Variants in FUT8 observed in about 807,000 individuals in gnomAD.
The protein encoded by FUT8 is alpha-(1,6)-fucosyltransferase.
A neutral mutation model predicts 71.3 loss-of-function variants in FUT8; 29 were observed. The ratio of observed to expected loss-of-function variants is 0.41; its 90% confidence interval spans 0.30 to 0.55. FUT8 has a LOEUF of 0.55. Ranked by LOEUF, FUT8 falls within the 20% of genes least tolerant of loss-of-function variation. The probability of loss-of-function intolerance (pLI) is 0.34; values close to 1 mark genes in which losing one functional copy is unlikely to be tolerated. For synonymous variants in FUT8, 254 were observed against 239.3 expected, an observed-to-expected ratio of 1.06 and a Z score of -0.57; for missense variants, 544 against 702.1, an observed-to-expected ratio of 0.77 and a Z score of 2.55.
chr14:65,667,540 A>G (rs564328263), intron 6 of FUT8, among the ~76,000 whole-genome samples: 20 of 152,324 alleles, frequency 1.3e-4, no homozygotes, highest in African/African-American at 4.8e-4. Context: ...AAACAAATGG[A>G]AAAACACTCC....
chr14:65,554,065 A>T (rs141830218), intron 2 of FUT8, among the ~76,000 whole-genome samples: 17 of 152,170 alleles, frequency 1.1e-4, no homozygotes, highest in African/African-American at 3.9e-4. Flanking sequence ...ATTATACTAC[A>T]GCTTTAAAAT....
intron 5 of FUT8, among the ~76,000 whole-genome samples, chr14:65,618,010 CATATATATATATATATATATATAT>C (rs149450437): frequency 6.9e-4 from 60 of 87,004 alleles, no homozygotes; most frequent in Admixed American, 3.4e-3. Context: ...AAAATTAATT[CATATATATATATATATATATATAT>C]ATATATATAT....
intron 2 of FUT8, among the ~76,000 whole-genome samples, chr14:65,491,962 A>G (rs997968018): frequency 7.9e-5 from 12 of 152,098 alleles, no homozygotes; most frequent in Non-Finnish European, 1.0e-4. Context: ...TAGTGCTGTA[A>G]AGTTCTGATT....
At chr14:65,433,542 G>A (rs573270162) in intron 1 of FUT8, among the ~76,000 whole-genome samples, 3 of 152,292 alleles carry the variant, frequency 2.0e-5, no homozygotes, top group African/African-American at 7.2e-5. Context: ...GCATGCAATG[G>A]CAGAATGACA....
intron 3 of FUT8, among the ~76,000 whole-genome samples, chr14:65,597,994 C>G (rs1888084372): frequency 6.6e-6 from 1 of 152,040 alleles, no homozygotes; most frequent in South Asian, 2.1e-4. Context: ...CATAGTGAGA[C>G]CTTGTCTCTA....
chr14:65,563,825 G>T (rs138660237), intron 3 of FUT8, among the ~76,000 whole-genome samples: 3 of 151,830 alleles, frequency 2.0e-5, no homozygotes, highest in Non-Finnish European at 4.4e-5. Context: ...TAATCTTTAG[G>T]TCTATTAAGT....
At chr14:65,723,637 C>T (rs1346751419) in intron 8 of FUT8, among the ~76,000 whole-genome samples, 1 of 152,134 alleles carries the variant, frequency 6.6e-6, no homozygotes, top group African/African-American at 2.4e-5. Context: ...TCTATGTTTT[C>T]CTGGGACAAC....
At chr14:65,721,168 T>C (rs1310600431) in intron 7 of FUT8, among the ~76,000 whole-genome samples, 2 of 151,962 alleles carry the variant, frequency 1.3e-5, no homozygotes, top group Non-Finnish European at 2.9e-5. Flanking sequence ...TTGTTAAATT[T>C]GGTGTTCCTG....
chr14:65,695,788 A>G (rs1390055725), intron 7 of FUT8, among the ~76,000 whole-genome samples: 4 of 151,552 alleles, frequency 2.6e-5, no homozygotes, highest in African/African-American at 4.9e-5. Flanking sequence ...GCTGTTTTCT[A>G]TTTGTTGCCC....
At chr14:65,648,140 C>T (rs1373459523) in intron 6 of FUT8, among the ~76,000 whole-genome samples, 1 of 152,190 alleles carries the variant, frequency 6.6e-6, no homozygotes, top group Admixed American at 6.5e-5. Context: ...TGTATATCAT[C>T]TACTTTCAGG....
At chr14:65,674,267 T>C (rs1419661399) in intron 7 of FUT8, among the ~76,000 whole-genome samples, 1 of 152,206 alleles carries the variant, frequency 6.6e-6, no homozygotes, top group Non-Finnish European at 1.5e-5. Flanking sequence ...TTTCTCTGTT[T>C]AGGGGATCTG....
chr14:65,632,564 T>C (rs1229597196), intron 6 of FUT8, among the ~76,000 whole-genome samples: 1 of 152,104 alleles, frequency 6.6e-6, no homozygotes, highest in Non-Finnish European at 1.5e-5. Context: ...CACTTTTTGG[T>C]GGGATTTTTT....
intron 2 of FUT8, among the ~76,000 whole-genome samples, chr14:65,541,670 T>A (rs750776462): frequency 6.6e-6 from 1 of 152,156 alleles, no homozygotes; most frequent in Non-Finnish European, 1.5e-5. Flanking sequence ...GTCTACTAAT[T>A]CAAATGCTAA....
chr14:65,475,125 T>A (rs549285948), intron 2 of FUT8, among the ~76,000 whole-genome samples: 1 of 152,218 alleles, frequency 6.6e-6, no homozygotes, highest in East Asian at 1.9e-4. Flanking sequence ...CTTGTCTCGC[T>A]TTTTCCTCAA....
the FUT8 span, among the ~76,000 whole-genome samples, chr14:65,359,209 A>G: frequency 6.6e-6 from 1 of 152,184 alleles, no homozygotes; most frequent in Non-Finnish European, 1.5e-5. Flanking sequence ...AGAAGGATGC[A>G]AACAATCTGG....
chr14:65,544,362 AAACT>A, intron 2 of FUT8, among the ~76,000 whole-genome samples: 1 of 152,198 alleles, frequency 6.6e-6, no homozygotes, highest in Non-Finnish European at 1.5e-5. Flanking sequence ...ATAGCAGGGT[AAACT>A]GTCCATATGT....
chr14:65,731,584 A>T lies in FUT8; in HGVS notation c.1260-1647A>T, dbSNP rs1032728642. On this transcript the variant is annotated intron_variant, in intron 9 of 10. Transcript: ENST00000673929. ...GTGTGTTTTGTTTTGTTTTACACTT[A>T]GGTATCCTTTATGAAGCCATAGAGA... Among the ~76,000 whole-genome samples the T allele has an allele frequency of 4.6e-5, 7 of 152,314 alleles. No homozygotes were observed. In the South Asian group the frequency reaches 1.5e-3, roughly 32 times the overall value.
At chr14:65,543,716 A>G (rs930672705) in intron 2 of FUT8, among the ~76,000 whole-genome samples, 2 of 152,166 alleles carry the variant, frequency 1.3e-5, no homozygotes, top group Non-Finnish European at 2.9e-5. Context: ...GATTGAGTTT[A>G]CAAGGGACAG....
intron 2 of FUT8, among the ~76,000 whole-genome samples, chr14:65,501,737 G>A (rs2066648160): frequency 6.6e-6 from 1 of 152,168 alleles, no homozygotes; most frequent in Non-Finnish European, 1.5e-5. Flanking sequence ...GTCAAAGGAG[G>A]CCATAGGCCT....
Sources: gnomAD v4.1 joint callset for allele counts (sites outside exome capture counted in the v4.1 genomes callset) on GRCh38, gnomAD v4.1.1 for gene constraint, MANE v1.5 for transcripts, NCBI Gene and HGNC (gene_info 2026-07-23, HGNC 2026-07-21) for gene names.